The following TAOK1 variants were observed in gnomAD, a reference collection of about 807,000 sequenced individuals.
TAOK1 encodes serine/threonine-protein kinase TAO1.
TAOK1 carries 21 observed loss-of-function variants against 138.3 expected under a neutral mutation model. The ratio of observed to expected loss-of-function variants is 0.15; its 90% CI spans 0.11 to 0.22. The LOEUF is 0.22. TAOK1 is among the 10% of genes least tolerant of loss of function. The pLI is 1.00. For missense variants in TAOK1, 651 were observed against 1,227.7 expected, an observed-to-expected ratio of 0.53 and a Z score of 7.02; for synonymous variants, 361 against 398.4, an observed-to-expected ratio of 0.91 and a Z score of 1.12.
At chr17:29,418,259 C>A (rs1465996660) in intron 1 of TAOK1, among the ~76,000 whole-genome samples, 1 of 152,184 alleles carries the variant, frequency 6.6e-6, no homozygotes, top group Non-Finnish European at 1.5e-5. Context: ...TTATAGCTCA[C>A]TGAAACCTCA....
At position 29,551,357 on chromosome 17, in the gene TAOK1, T is replaced by C. The variant is rs2032490353; in HGVS notation, c.*8335T>C. The C allele has an allele frequency of 6.6e-6, 1 of 152,346 alleles. No individual in the cohort carries two copies. Among genetic ancestry groups the C allele is most frequent in the Non-Finnish European group, 1.5e-5 (1 of 68,022 alleles). 9.4% of individuals were successfully genotyped at this position (152,346 alleles called of 1,614,324 possible). A position where few individuals can be genotyped will look rare whatever the true frequency, so the allele number is the denominator to read the frequency against. ...CCTCCTTTTTTGGCAGCCTTCATCTTCTCATCTCCCAAACCCCCTGAGCCC... is the reference window on the plus strand; with the variant it reads ...CCTCCTTTTTTGGCAGCCTTCATCTCCTCATCTCCCAAACCCCCTGAGCCC... On this transcript the variant is annotated 3_prime_UTR_variant, in exon 20 of 20. Transcript: ENST00000261716.
At chr17:29,517,979 C>G (rs2031847972) in intron 16 of TAOK1, among the ~76,000 whole-genome samples, 1 of 152,124 alleles carries the variant, frequency 6.6e-6, no homozygotes, top group African/African-American at 2.4e-5. Flanking sequence ...CCTCAGCCTC[C>G]CAAATAGCTA....
intron 13 of TAOK1, among the ~76,000 whole-genome samples, chr17:29,503,502 A>G (rs1202394056): frequency 1.3e-5 from 2 of 151,972 alleles, no homozygotes; most frequent in African/African-American, 2.4e-5. Context: ...AATGTGGTAT[A>G]CTCTAAATGT....
intron 1 of TAOK1, among the ~76,000 whole-genome samples, chr17:29,435,195 A>T (rs1213736133): frequency 6.6e-6 from 1 of 152,164 alleles, no homozygotes; most frequent in Non-Finnish European, 1.5e-5. Context: ...TCTTTCTGAG[A>T]TGCAGCTGGA....
At chr17:29,472,729 C>T (rs1178918423) in intron 3 of TAOK1, among the ~76,000 whole-genome samples, 1 of 152,010 alleles carries the variant, frequency 6.6e-6, no homozygotes, top group Non-Finnish European at 1.5e-5. Context: ...CATGCACCAC[C>T]ACGCCCGGCT....
At chr17:29,419,731 C>T (rs898583107) in intron 1 of TAOK1, among the ~76,000 whole-genome samples, 3 of 151,610 alleles carry the variant, frequency 2.0e-5, no homozygotes, top group Admixed American at 1.3e-4. Context: ...TGAGCTCAAG[C>T]GATCCTCCCA....
At chr17:29,471,219 A>G (rs1023686248) in intron 3 of TAOK1, among the ~76,000 whole-genome samples, 5 of 151,608 alleles carry the variant, frequency 3.3e-5, no homozygotes, top group African/African-American at 1.2e-4. Context: ...TAAGTGTGCA[A>G]TAACATTTTG....
chr17:29,413,576 A>G (rs888867486), intron 1 of TAOK1, among the ~76,000 whole-genome samples: 2 of 152,204 alleles, frequency 1.3e-5, no homozygotes, highest in Non-Finnish European at 2.9e-5. Context: ...AGCCTGGGTG[A>G]CAGAGTGAGA....
intron 19 of TAOK1, among the ~76,000 whole-genome samples, chr17:29,540,736 A>AC (rs2032302289): frequency 7.3e-6 from 1 of 137,866 alleles, no homozygotes; most frequent in Non-Finnish European, 1.6e-5. Context: ...ACGCCCGGCT[A>AC]ATTTTGTATT....
At chr17:29,410,431 T>C (rs1479393556) in intron 1 of TAOK1, among the ~76,000 whole-genome samples, 1 of 151,202 alleles carries the variant, frequency 6.6e-6, no homozygotes, top group Admixed American at 6.6e-5. Flanking sequence ...TTTTGTATTT[T>C]TAGCAGAAAC....
intron 1 of TAOK1, among the ~76,000 whole-genome samples, chr17:29,426,409 C>G (rs576977815): frequency 1.3e-5 from 2 of 152,168 alleles, no homozygotes; most frequent in Admixed American, 6.5e-5. Flanking sequence ...GGTTCTGAAT[C>G]CAAATTAGAG....
chr17:29,470,928 G>T (rs1322231899), intron 3 of TAOK1, among the ~76,000 whole-genome samples: 1 of 152,142 alleles, frequency 6.6e-6, no homozygotes, highest in East Asian at 1.9e-4. Context: ...TTTGAGACCA[G>T]CCTGGCCAAT....
intron 1 of TAOK1, among the ~76,000 whole-genome samples, chr17:29,396,219 G>C (rs1469177017): frequency 6.6e-6 from 1 of 152,072 alleles, no homozygotes; most frequent in Non-Finnish European, 1.5e-5. Flanking sequence ...GTCATCATAT[G>C]GTAACAGTTA....
intron 3 of TAOK1, among the ~76,000 whole-genome samples, chr17:29,475,109 T>A (rs955217807): frequency 6.6e-6 from 1 of 151,996 alleles, no homozygotes; most frequent in African/African-American, 2.4e-5. Context: ...CCCAGCTAAT[T>A]TTTGTATTTT....
intron 1 of TAOK1, among the ~76,000 whole-genome samples, chr17:29,430,040 C>T (rs1905775359): frequency 1.3e-5 from 2 of 152,014 alleles, no homozygotes; most frequent in South Asian, 4.1e-4. Flanking sequence ...CTTTTTCTTC[C>T]ATTTGAATCA....
At chr17:29,397,613 A>T (rs867399297) in intron 1 of TAOK1, among the ~76,000 whole-genome samples, 8 of 41,408 alleles carry the variant, frequency 1.9e-4, no homozygotes, top group Non-Finnish European at 3.2e-4. Context: ...CCCCCAAAAA[A>T]ATATATATAT....
chr17:29,403,160 C>CAAAAAAA (rs34253777), intron 1 of TAOK1, among the ~76,000 whole-genome samples: 1 of 60,040 alleles, frequency 1.7e-5, no homozygotes, highest in African/African-American at 5.7e-5. Context: ...GATTTTGTCT[C>CAAAAAAA]AAAAAAAAAA....
chr17:29,498,117 T>G (rs938176546), intron 11 of TAOK1, among the ~76,000 whole-genome samples: 1 of 152,196 alleles, frequency 6.6e-6, no homozygotes, highest in Non-Finnish European at 1.5e-5. Context: ...TTTTTGTGAT[T>G]TACTTGTTGG....
intron 1 of TAOK1, among the ~76,000 whole-genome samples, chr17:29,444,926 C>G (rs2030039444): frequency 6.6e-6 from 1 of 152,084 alleles, no homozygotes; most frequent in African/African-American, 2.4e-5. Context: ...TTTCCCATTG[C>G]TATTTTGTAC....
Sources: allele counts gnomAD v4.1 joint callset (sites outside exome capture counted in the v4.1 genomes callset), GRCh38; gene constraint gnomAD v4.1.1; transcripts MANE v1.5; gene names NCBI Gene and HGNC (gene_info 2026-07-23, HGNC 2026-07-21).